The following AKAP12 variants were observed in gnomAD, a reference collection of about 807,000 sequenced individuals.
The protein encoded by AKAP12 is A-kinase anchoring protein 12.
AKAP12 carries 32 observed loss-of-function variants against 79.9 expected under a neutral mutation model. That is an observed-to-expected ratio of 0.40 (90% CI 0.30 to 0.54). The LOEUF is 0.54. Ranked by LOEUF, AKAP12 falls within the 20% of genes least tolerant of loss-of-function variation. AKAP12 has a pLI of 0.48. For synonymous variants in AKAP12, 808 were observed against 857.0 expected, an observed-to-expected ratio of 0.94 and a Z score of 1.00; for missense variants, 2,074 against 2,177.0, an observed-to-expected ratio of 0.95 and a Z score of 0.94.
chr6:151,277,295 A>G (rs1434816948), intron 2 of AKAP12, among the ~76,000 whole-genome samples: 3 of 152,216 alleles, frequency 2.0e-5, no homozygotes, highest in African/African-American at 7.2e-5. Context: ...AGCAATATGT[A>G]TGCTCTTGAT....
At chr6:151,301,769 A>G (rs527977869) in intron 2 of AKAP12, among the ~76,000 whole-genome samples, 1 of 152,280 alleles carries the variant, frequency 6.6e-6, no homozygotes, top group African/African-American at 2.4e-5. Flanking sequence ...ACATAGTAAA[A>G]TAGACTCAAA....
At chr6:151,266,361 T>G (rs1424127828) in intron 2 of AKAP12, among the ~76,000 whole-genome samples, 4 of 152,208 alleles carry the variant, frequency 2.6e-5, no homozygotes, top group Non-Finnish European at 4.4e-5. Flanking sequence ...AACTTAGATA[T>G]GGTGCCAGCA....
chr6:151,335,897 A>G (rs891092572), intron 3 of AKAP12, among the ~76,000 whole-genome samples: 8 of 152,072 alleles, frequency 5.3e-5, no homozygotes, highest in South Asian at 2.1e-4. Context: ...ACTCAATACT[A>G]TTTTTCAACT....
rs748651544 is a variant in AKAP12 at position 151,352,885 on chromosome 6, C to G, written c.4494C>G (p.Ser1498=). 4 of 1,614,170 alleles carry G rather than the reference C, an allele frequency of 2.5e-6. No individual in the cohort carries two copies. The East Asian group carries it at 6.7e-5, about 27-fold the overall frequency. Reference sequence around the variant, plus strand: ...CTACTACCAAGAAAGGCTTAAGTTCCGACCTGGAAGGAGAGAAAACCACAT... The same window carrying G: ...CTACTACCAAGAAAGGCTTAAGTTCGGACCTGGAAGGAGAGAAAACCACAT... The part of the protein sequence containing the change: ...VSATTKKGLS[S]DLEGEKTTSL... Residue 1498 remains serine (S), a synonymous_variant, in exon 4 of 5, where the codon TCC becomes TCG. Transcript: ENST00000402676.
chr6:151,357,598 G>A lies in AKAP12; in HGVS notation c.*1884G>A, dbSNP rs919086685. The A allele has an allele frequency of 6.6e-6, 1 of 151,490 alleles. No homozygotes were observed. The highest frequency in any genetic ancestry group is 1.5e-5 in the Non-Finnish European group (1 of 67,964). The allele number at this position is 151,490 out of a possible 1,614,324, so 9.4% of individuals were successfully genotyped here. On this transcript the variant is annotated 3_prime_UTR_variant, in exon 5 of 5. Coordinates refer to ENST00000402676, the MANE Select transcript of AKAP12 (RefSeq NM_005100.4). ...ATGATAGCAGTGTATATATAGTCTTGTTTGTAGTTGGAAGTCATCTTTTAG... is the reference window on the plus strand; with the variant it reads ...ATGATAGCAGTGTATATATAGTCTTATTTGTAGTTGGAAGTCATCTTTTAG...
intron 3 of AKAP12, among the ~76,000 whole-genome samples, chr6:151,322,093 A>G (rs1426525375): frequency 1.3e-5 from 2 of 151,678 alleles, no homozygotes; most frequent in Non-Finnish European, 2.9e-5. Flanking sequence ...TATTTTTAGT[A>G]GAGACGGGGT....
At chr6:151,347,396 T>G (rs1275113719) in intron 3 of AKAP12, among the ~76,000 whole-genome samples, 7 of 152,230 alleles carry the variant, frequency 4.6e-5, no homozygotes, top group African/African-American at 1.4e-4. Flanking sequence ...CTATATTTCC[T>G]GTTAAGTGGG....
In AKAP12 at chr6:151,349,642, C is replaced by T. The variant is rs374351167; in HGVS notation, c.1251C>T (p.Ala417=). The change falls in exon 4 of 5, where the codon GCC becomes GCT. Residue 417 remains alanine, a synonymous_variant. Transcript: ENST00000402676. ...KIEVHQEEVV[A]EVHVSTVEER... ...AAGTCCACCAAGAAGAGGTTGTGGC[C>T]GAAGTCCACGTCAGCACCGTGGAGG... 3.5e-5 allele frequency: 56 copies of T among 1,613,184 alleles called. No individual in the cohort carries two copies. The highest frequency in any genetic ancestry group is 1.2e-4 in the African/African-American group (9 of 74,756).
intron 2 of AKAP12, among the ~76,000 whole-genome samples, chr6:151,276,540 G>C (rs193158686): frequency 6.6e-6 from 1 of 152,218 alleles, no homozygotes; most frequent in South Asian, 2.1e-4. Context: ...CTTAGTCAAC[G>C]GTCTGGCTGT....
chr6:151,349,724 G>T lies in AKAP12; in HGVS notation c.1333G>T (p.Glu445Ter), dbSNP rs754871556. The T allele has an allele frequency of 8.1e-6, 13 of 1,614,012 alleles. No homozygotes were observed. Residue 445 changes from glutamate (E) to a stop codon, truncating the protein, a stop_gained, in exon 4 of 5, where the codon GAA (glutamate) becomes TAA (stop). Coordinates refer to ENST00000402676, the MANE Select transcript of AKAP12 (RefSeq NM_005100.4). LOFTEE classifies it high-confidence loss of function. ...AGAAACAGCAGGGTCTGTGCCAGCT[G>T]AAGAATTGGTTGAAATGGATGCAGA... ...VEETAGSVPA[E>*]ELVEMDAEPQ...
intron 3 of AKAP12, among the ~76,000 whole-genome samples, chr6:151,309,346 C>G (rs1044254766): frequency 6.6e-6 from 1 of 152,134 alleles, no homozygotes; most frequent in Admixed American, 6.5e-5. Flanking sequence ...CCATTTTGGT[C>G]CCTGGGAGGA....
intron 3 of AKAP12, among the ~76,000 whole-genome samples, chr6:151,312,558 G>A (rs546388256): frequency 3.3e-4 from 50 of 152,186 alleles, no homozygotes; most frequent in Non-Finnish European, 4.6e-4. Flanking sequence ...TTGGGAGGCC[G>A]AGGTGGGCGG....
At chr6:151,257,819 A>G (rs1417297222) in intron 2 of AKAP12, among the ~76,000 whole-genome samples, 4 of 152,208 alleles carry the variant, frequency 2.6e-5, no homozygotes, top group Non-Finnish European at 4.4e-5. Context: ...ATTAAGTTAC[A>G]TCTGTCTAGA....
intron 2 of AKAP12, among the ~76,000 whole-genome samples, chr6:151,290,736 G>T (rs1776601064): frequency 6.6e-6 from 1 of 152,116 alleles, no homozygotes; most frequent in Non-Finnish European, 1.5e-5. Context: ...CTCCCGAGTA[G>T]CTGGGATTAC....
chr6:151,302,613 A>G (rs1443365133), intron 2 of AKAP12, among the ~76,000 whole-genome samples: 2 of 151,818 alleles, frequency 1.3e-5, no homozygotes, highest in Non-Finnish European at 3.0e-5. Context: ...GGTACTTGGT[A>G]GAACCCTAAA....
At chr6:151,317,229 G>A (rs1777257905) in intron 3 of AKAP12, among the ~76,000 whole-genome samples, 1 of 152,090 alleles carries the variant, frequency 6.6e-6, no homozygotes. Context: ...GAAGGTTTGC[G>A]GAGTTTTCTC....
chr6:151,317,202 C>T (rs1777257415), intron 3 of AKAP12, among the ~76,000 whole-genome samples: 1 of 152,172 alleles, frequency 6.6e-6, no homozygotes, highest in Non-Finnish European at 1.5e-5. Context: ...GCAGGAGGCT[C>T]TTCTGCTTAA....
chr6:151,245,577 G>A (rs1383478176), intron 2 of AKAP12, among the ~76,000 whole-genome samples: 1 of 145,928 alleles, frequency 6.9e-6, no homozygotes, highest in Non-Finnish European at 1.5e-5. Flanking sequence ...CCCGGGAGGT[G>A]GAGCTTGCAG....
intron 2 of AKAP12, among the ~76,000 whole-genome samples, chr6:151,295,737 CCT>C (rs1407419599): frequency 6.6e-6 from 1 of 152,188 alleles, no homozygotes; most frequent in African/African-American, 2.4e-5. Context: ...GTGAATAGCT[CCT>C]ACTCGGCAGT....
Sources: gnomAD v4.1 joint callset for allele counts (sites outside exome capture counted in the v4.1 genomes callset) on GRCh38, gnomAD v4.1.1 for gene constraint, MANE v1.5 for transcripts, NCBI Gene and HGNC (gene_info 2026-07-23, HGNC 2026-07-21) for gene names.